Variants in DAAM2 observed in about 807,000 individuals in gnomAD.
DAAM2 encodes dishevelled associated activator of morphogenesis 2.
Under a neutral mutation model 120.7 loss-of-function variants are expected in DAAM2, and 39 were observed. That is an observed-to-expected ratio of 0.32 (90% CI 0.25 to 0.42). The LOEUF (loss-of-function observed/expected upper bound fraction) is 0.42, where lower values mean the gene tolerates loss of function less well. DAAM2 is among the 10% of genes least tolerant of loss of function. The pLI, the probability that DAAM2 is intolerant of heterozygous loss-of-function variation, is 1.00. For missense variants in DAAM2, 1,283 were observed against 1,401.7 expected, an observed-to-expected ratio of 0.92 and a Z score of 1.35; for synonymous variants, 488 against 524.9, an observed-to-expected ratio of 0.93 and a Z score of 0.96.
Position 39,893,897 on chromosome 6 carries a change from A to G in DAAM2, c.2341+2175A>G, listed in dbSNP as rs146956715. Among the ~76,000 whole-genome samples, 459 of 152,280 alleles carry G rather than the reference A, an allele frequency of 3.0e-3. 3 individuals carry two copies. Among genetic ancestry groups the G allele is most frequent in the Non-Finnish European group, 4.9e-3 (330 of 68,008 alleles). On this transcript the variant is annotated intron_variant, in intron 19 of 24. Transcript: ENST00000274867. ...ATTTAGCCTATCCCAGCTAGGTGTG[A>G]TGAGCTGTTGACACCTGCCCTCCTA...
At chr6:39,895,130 C>T (rs1765992856) in intron 19 of DAAM2, among the ~76,000 whole-genome samples, 1 of 152,136 alleles carries the variant, frequency 6.6e-6, no homozygotes, top group South Asian at 2.1e-4. Flanking sequence ...CCCAAATACC[C>T]ACCAAGAATA....
intron 1 of DAAM2, among the ~76,000 whole-genome samples, chr6:39,852,005 G>A (rs185753148): frequency 5.9e-5 from 9 of 152,354 alleles, no homozygotes; most frequent in Middle Eastern, 3.4e-3. Context: ...GTGACCTATG[G>A]TTTGGTGTCT....
At chr6:39,832,572 G>A (rs1762955792) in intron 1 of DAAM2, among the ~76,000 whole-genome samples, 1 of 150,620 alleles carries the variant, frequency 6.6e-6, no homozygotes, top group Non-Finnish European at 1.5e-5. Flanking sequence ...AACTTAGTGT[G>A]AAAAATAAAG....
intron 1 of DAAM2, among the ~76,000 whole-genome samples, chr6:39,851,953 T>G (rs1312665965): frequency 1.3e-5 from 2 of 152,160 alleles, no homozygotes; most frequent in African/African-American, 4.8e-5. Context: ...TGGTGATGGG[T>G]GCAGTCAGGC....
chr6:39,868,498 G>T, intron 6 of DAAM2: 1 of 318,882 alleles, frequency 3.1e-6, no homozygotes, highest in Non-Finnish European at 5.9e-6. Context: ...CCATAAATGA[G>T]CTAGGCAGGG....
intron 1 of DAAM2, among the ~76,000 whole-genome samples, chr6:39,837,943 C>G (rs979140266): frequency 1.3e-5 from 2 of 152,222 alleles, no homozygotes; most frequent in Non-Finnish European, 2.9e-5. Context: ...CAGCCTTACA[C>G]TCTCCCTGTG....
rs769496413 is a variant in DAAM2 at position 39,897,202 on chromosome 6, C to T, written c.2538C>T (p.Ile846=). The change falls in exon 21 of 25, where the codon ATC becomes ATT. Residue 846 remains isoleucine (I), a synonymous_variant. Transcript: ENST00000274867. ...DRNISLLHYL[I]MILEKHFPDI... ...ACATCTCTCTGCTCCATTACCTGAT[C>T]ATGATCCTGGAGAAGCATTTTCCTG... The T allele has an allele frequency of 1.2e-6, 2 of 1,613,398 alleles. No individual in the cohort carries two copies. The highest frequency in any genetic ancestry group is 2.2e-5 in the East Asian group (1 of 44,880).
chr6:39,896,244 C>T (rs1766080433), intron 19 of DAAM2, among the ~76,000 whole-genome samples: 1 of 151,660 alleles, frequency 6.6e-6, no homozygotes, highest in East Asian at 1.9e-4. Context: ...ATGCTCTTGC[C>T]CAGGCTGGAG....
intron 1 of DAAM2, among the ~76,000 whole-genome samples, chr6:39,796,544 A>G (rs1028763142): frequency 1.4e-5 from 2 of 145,872 alleles, no homozygotes; most frequent in African/African-American, 2.5e-5. Flanking sequence ...GTGCAGCGTT[A>G]TGCTAGCACT....
Position 39,879,221 on chromosome 6 carries a change from C to T in DAAM2, c.1589C>T (p.Thr530Ile). ...CCACCACCCCCTGGGGGCCCACTCACCTTGTCTTCCTCAATGACAACCAAT... is the reference window on the plus strand; with the variant it reads ...CCACCACCCCCTGGGGGCCCACTCATCTTGTCTTCCTCAATGACAACCAAT... ...SSPPPPGGPL[T>I]LSSSMTTNDL... The change falls in exon 14 of 25, where the codon ACC (threonine) becomes ATC (isoleucine). Residue 530 changes from threonine to isoleucine, a missense_variant. Physicochemically the swap from Thr to Ile is moderately conservative, Grantham distance 89 (BLOSUM62 -1). Around this residue, in one of 3 missense-constraint regions of DAAM2, gnomAD observed 748 missense variants for 768.6 expected, o/e 0.97. Coordinates refer to ENST00000274867, the MANE Select transcript of DAAM2 (RefSeq NM_001201427.2). 1 of 1,550,306 alleles carries T rather than the reference C, an allele frequency of 6.5e-7. No individual in the cohort carries two copies. The highest frequency in any genetic ancestry group is 8.7e-7 in the Non-Finnish European group (1 of 1,146,222).
At chr6:39,853,408 G>A (rs894086926) in intron 1 of DAAM2, among the ~76,000 whole-genome samples, 2 of 152,192 alleles carry the variant, frequency 1.3e-5, no homozygotes, top group Non-Finnish European at 2.9e-5. Context: ...CTGTATGCAC[G>A]AGGTCCTTCT....
chr6:39,856,061 G>A (rs1763987978), intron 1 of DAAM2, 186 bp from the exon 2 acceptor site: 9 of 985,090 alleles, frequency 9.1e-6, no homozygotes, highest in East Asian at 1.1e-4. Flanking sequence ...GCCTCCAGGT[G>A]GGAAGAGCTG....
intron 10 of DAAM2, among the ~76,000 whole-genome samples, chr6:39,874,238 C>T (rs998470777): frequency 7.9e-5 from 12 of 152,124 alleles, no homozygotes; most frequent in Admixed American, 5.2e-4. Context: ...TTGGTTTCTG[C>T]GGGGTCAAGG....
rs1426386345 is a variant in DAAM2, at chr6:39,898,857, C to T, written c.2619-20C>T. 3 of 1,606,646 alleles carry T rather than the reference C, an allele frequency of 1.9e-6. No homozygotes were observed. The highest frequency in any genetic ancestry group is 2.6e-6 in the Non-Finnish European group (3 of 1,175,140). On this transcript the variant is annotated intron_variant, in intron 21 of 24. Transcript: ENST00000274867. ...GGGAGTTGATGGTCCTCATTCCCTT[C>T]CCTCTGTGTCTCCTTACAGCCTAGC...
intron 1 of DAAM2, among the ~76,000 whole-genome samples, chr6:39,796,023 G>C (rs1486018403): frequency 6.6e-6 from 1 of 152,106 alleles, no homozygotes; most frequent in Non-Finnish European, 1.5e-5. Flanking sequence ...CCTTGTCAAG[G>C]GTGCTCAGGT....
chr6:39,810,667 A>T (rs934230221), intron 1 of DAAM2, among the ~76,000 whole-genome samples: 1 of 152,158 alleles, frequency 6.6e-6, no homozygotes, highest in Non-Finnish European at 1.5e-5. Flanking sequence ...ATGGGGACAA[A>T]TGTGTCTCGG....
chr6:39,892,071 T>G (rs1229316710), intron 19 of DAAM2, among the ~76,000 whole-genome samples: 1 of 152,122 alleles, frequency 6.6e-6, no homozygotes, highest in Non-Finnish European at 1.5e-5. Flanking sequence ...CATCAGTCTT[T>G]ACTCTACTTA....
At chr6:39,802,862 C>T (rs1761907353) in intron 1 of DAAM2, among the ~76,000 whole-genome samples, 1 of 152,146 alleles carries the variant, frequency 6.6e-6, no homozygotes, top group South Asian at 2.1e-4. Context: ...CAAGAAGCCC[C>T]CTCGTGCCCC....
chr6:39,888,705 G>A lies in DAAM2; in HGVS notation c.2087G>A (p.Arg696Gln), dbSNP rs373552829. The part of the protein sequence containing the change: ...SKLKLSNEEI[R>Q]QAILKMDEQE... ...TTGAAGCTTTCTAACGAGGAGATCC[G>A]GCAGGCCATCTTGAAGATGGATGAG... The change falls in exon 17 of 25, where the codon CGG becomes CAG. Residue 696 changes from arginine to glutamine, a missense_variant. Arg to Gln is a conservative substitution (Grantham distance 43, BLOSUM62 1). Around this residue, in one of 3 missense-constraint regions of DAAM2, gnomAD observed 748 missense variants for 768.6 expected, o/e 0.97. Transcript: ENST00000274867. The A allele has an allele frequency of 1.7e-5, 28 of 1,613,324 alleles. No homozygotes were observed. The African/African-American group carries it at 3.1e-4, about 18-fold the overall frequency.
Sources: allele counts gnomAD v4.1 joint callset (sites outside exome capture counted in the v4.1 genomes callset), GRCh38; gene constraint gnomAD v4.1.1; regional missense constraint gnomAD v4.1.1; transcripts MANE v1.5; gene names NCBI Gene and HGNC (gene_info 2026-07-23, HGNC 2026-07-21).